Variants in PFKL observed in about 807,000 individuals in gnomAD.
PFKL encodes the protein phosphofructokinase, liver type.
Under a neutral mutation model 92.1 loss-of-function variants are expected in PFKL, and 74 were observed. That is an observed-to-expected ratio of 0.80 (90% CI 0.67 to 0.97). PFKL has a LOEUF of 0.97. Ranked by LOEUF, PFKL falls within the 50% of genes least tolerant of loss-of-function variation. The pLI is 0.00. For missense variants in PFKL, 1,028 were observed against 1,116.6 expected (o/e 0.92, Z 1.13); for synonymous variants, 494 against 456.4 (o/e 1.08, Z -1.05).
At position 44,313,105 on chromosome 21, in the gene PFKL, C is replaced by A. The variant is rs1217775994; in HGVS notation, c.555C>A (p.Ile185=). 5.0e-6 allele frequency: 8 copies of A among 1,613,002 alleles called. No individual in the cohort carries two copies. Among genetic ancestry groups the A allele is most frequent in the Non-Finnish European group, 6.8e-6 (8 of 1,179,918 alleles). ...GCACGGACTCGGCCCTCCACCGCAT[C>A]ATGGAGGTCATCGATGCCATCACCA... ...TIGTDSALHR[I]MEVIDAITTT... The change falls in exon 5 of 22, where the codon ATC becomes ATA. Residue 185 remains isoleucine, a synonymous_variant. Coordinates refer to ENST00000349048, the MANE Select transcript of PFKL (RefSeq NM_002626.6).
chr21:44,319,251 C>A, intron 10 of PFKL, 100 bp from the exon 11 acceptor site: 1 of 1,009,648 alleles, frequency 9.9e-7, no homozygotes, highest in South Asian at 1.3e-5. Context: ...TCAGGAGATG[C>A]CGGCCAGATC....
chr21:44,321,612 G>A, intron 12 of PFKL, 117 bp from the exon 13 acceptor site: 2 of 1,045,838 alleles, frequency 1.9e-6, no homozygotes, highest in South Asian at 1.9e-5. Context: ...GCAGCGTCCA[G>A]GCTGCTGGCA....
At chr21:44,324,222 G>A (rs1403477510) in intron 16 of PFKL, among the ~76,000 whole-genome samples, 3 of 152,116 alleles carry the variant, frequency 2.0e-5, no homozygotes, top group Non-Finnish European at 4.4e-5. Flanking sequence ...CTGTCCAAGG[G>A]TGCCAGGGAC....
chr21:44,319,838 C>T (rs2047312753), intron 11 of PFKL: 1 of 524,980 alleles, frequency 1.9e-6, no homozygotes, highest in African/African-American at 1.9e-5. Flanking sequence ...GGCCAACCCT[C>T]CCTTGAGCTG....
intron 7 of PFKL, chr21:44,316,005 A>G (rs1049097925): frequency 3.5e-5 from 19 of 545,132 alleles, no homozygotes; most frequent in Non-Finnish European, 5.6e-5. Context: ...TGCCCTTCCC[A>G]GGCTTTCGGG....
At chr21:44,309,462 G>A (rs2041052091) in intron 2 of PFKL, among the ~76,000 whole-genome samples, 1 of 152,136 alleles carries the variant, frequency 6.6e-6, no homozygotes, top group African/African-American at 2.4e-5. Flanking sequence ...AGTGGGTAGA[G>A]GGGGGCAAAC....
chr21:44,316,200 G>A (rs752163158), intron 7 of PFKL, 44 bp from the exon 8 acceptor site: 1 of 1,594,706 alleles, frequency 6.3e-7, no homozygotes, highest in African/African-American at 1.3e-5. Context: ...TCCGGGGCAG[G>A]TTTCCCTGCC....
rs1173435241 is a variant in PFKL at position 44,325,982 on chromosome 21, G to A, written c.2011G>A (p.Asp671Asn). 6.2e-7 allele frequency: 1 copy of A among 1,613,724 alleles called. No homozygotes were observed. Among genetic ancestry groups the A allele is most frequent in the East Asian group, 2.2e-5 (1 of 44,882 alleles). The change falls in exon 20 of 22, where the codon GAC (aspartate) becomes AAC (asparagine). Residue 671 changes from aspartate (D) to asparagine (N), a missense_variant. Asp to Asn is a conservative substitution (Grantham distance 23). Coordinates refer to ENST00000349048, the MANE Select transcript of PFKL (RefSeq NM_002626.6). ...LQQGGAPTPF[D>N]RNYGTKLGVK... The stretch of plus-strand genomic sequence containing the variant: ...CCAGGGTGGCGCTCCAACCCCCTTT[G>A]ACCGGAACTATGGGACCAAGCTGGG...
chr21:44,306,624 G>A, intron 1 of PFKL, 57 bp from the exon 2 acceptor site: 2 of 1,495,608 alleles, frequency 1.3e-6, no homozygotes, highest in Non-Finnish European at 1.8e-6. Context: ...GATGGGGAGG[G>A]TGTCCAGGGC....
chr21:44,320,043 C>A, intron 11 of PFKL, 41 bp from the exon 12 acceptor site: 1 of 1,577,752 alleles, frequency 6.3e-7, no homozygotes, highest in Non-Finnish European at 8.7e-7. Context: ...TACGCCGTGG[C>A]GCTGCAGGGC....
chr21:44,327,363 G>A lies in PFKL; in HGVS notation c.*501G>A. 5.8e-6 allele frequency: 1 copy of A among 172,524 alleles called. No homozygotes were observed. Among genetic ancestry groups the A allele is most frequent in the South Asian group, 1.4e-4 (1 of 7,036 alleles). 10.7% of individuals were successfully genotyped at this position (172,524 alleles called of 1,614,324 possible). ...ATCACCCTGACTGTGGGGTGCATCG[G>A]TCTCCGGAGAGCACAGCCTGCAGAA... is the stretch of plus-strand genomic sequence containing the variant. On this transcript the variant is annotated 3_prime_UTR_variant, in exon 22 of 22. Coordinates refer to ENST00000349048, the MANE Select transcript of PFKL (RefSeq NM_002626.6).
chr21:44,311,021 G>C lies in PFKL; in HGVS notation c.175G>C (p.Val59Leu), dbSNP rs150271960. 9 of 1,612,846 alleles carry C rather than the reference G, an allele frequency of 5.6e-6. No homozygotes were observed. The highest frequency in any genetic ancestry group is 1.6e-4 in the Middle Eastern group (1 of 6,074). ...TTGATTTCAGGGCTATGAGGGCCTC[G>C]TGGAGGGAGGTGAGAACATCAAGCA... ...FLIYEGYEGL[V>L]EGGENIKQAN... Residue 59 changes from valine (V) to leucine (L), a missense_variant, in exon 3 of 22, where the codon GTG becomes CTG. Val to Leu is a conservative substitution (Grantham distance 32). Coordinates refer to ENST00000349048, the MANE Select transcript of PFKL (RefSeq NM_002626.6).
chr21:44,325,672 G>A (rs1384254266), intron 19 of PFKL: 1 of 513,864 alleles, frequency 1.9e-6, no homozygotes, highest in African/African-American at 1.9e-5. Context: ...GAGGTGATGG[G>A]GCCCGAGGTG....
At chr21:44,310,873 A>G in intron 2 of PFKL, 133 bp from the exon 3 acceptor site, 1 of 652,264 alleles carries the variant, frequency 1.5e-6, no homozygotes, top group Non-Finnish European at 2.7e-6. Flanking sequence ...AGGCCCTGGG[A>G]TGATGGTGGG....
At chr21:44,319,456 G>A (rs769988531) in intron 11 of PFKL, 41 bp downstream of exon 11, 1 of 1,545,434 alleles carries the variant, frequency 6.5e-7, no homozygotes, top group South Asian at 1.1e-5. Context: ...TACATGGCTG[G>A]GTCCCGGTGC....
chr21:44,326,002 G>A lies in PFKL; in HGVS notation c.2031G>A (p.Lys677=). The A allele has an allele frequency of 6.2e-7, 1 of 1,613,930 alleles. No individual in the cohort carries two copies. The highest frequency in any genetic ancestry group is 8.5e-7 in the Non-Finnish European group (1 of 1,179,984). Residue 677 remains lysine (K), a synonymous_variant, in exon 20 of 22, where the codon AAG becomes AAA. Coordinates refer to ENST00000349048, the MANE Select transcript of PFKL (RefSeq NM_002626.6). ...CCTTTGACCGGAACTATGGGACCAA[G>A]CTGGGGGTGAAGGCCATGCTGTGGT... ...PTPFDRNYGT[K]LGVKAMLWLS...
At chr21:44,308,858 G>T (rs942011040) in intron 2 of PFKL, among the ~76,000 whole-genome samples, 1 of 152,090 alleles carries the variant, frequency 6.6e-6, no homozygotes, top group Admixed American at 6.5e-5. Context: ...CACTGTGCAC[G>T]GCCATGAATG....
intron 2 of PFKL, 127 bp downstream of exon 2, chr21:44,306,881 T>A: frequency 1.2e-6 from 1 of 817,060 alleles, no homozygotes; most frequent in Non-Finnish European, 2.0e-6. Context: ...GATGGGTATG[T>A]GGTCTTGGGG....
At chr21:44,303,021 T>C (rs2146411658) in intron 1 of PFKL, among the ~76,000 whole-genome samples, 1 of 152,090 alleles carries the variant, frequency 6.6e-6, no homozygotes, top group Non-Finnish European at 1.5e-5. Flanking sequence ...TCACCTGAGG[T>C]TAGGAGTTCA....
Sources: gnomAD v4.1 joint callset for allele counts (sites outside exome capture counted in the v4.1 genomes callset) on GRCh38, gnomAD v4.1.1 for gene constraint, MANE v1.5 for transcripts, NCBI Gene and HGNC (gene_info 2026-07-23, HGNC 2026-07-21) for gene names.